DNAH9: variants seen among roughly 807,000 people sequenced by gnomAD.
The protein encoded by DNAH9 is dynein axonemal heavy chain 9, also known as DNAH9 variant protein.
DNAH9 carries 345 observed loss-of-function variants against 471.6 expected under a neutral mutation model. That is an observed-to-expected ratio of 0.73 (90% CI 0.67 to 0.80). DNAH9 has a LOEUF of 0.80. Ranked by LOEUF, DNAH9 falls within the 30% of genes least tolerant of loss-of-function variation. The pLI is 0.00. For synonymous variants in DNAH9, 2,093 were observed against 2,123.6 expected (o/e 0.99, Z 0.40); for missense variants, 5,407 against 5,609.2 (o/e 0.96, Z 1.15).
intron 38 of DNAH9, among the ~76,000 whole-genome samples, chr17:11,773,647 G>A (rs1968306431): frequency 6.6e-6 from 1 of 152,132 alleles, no homozygotes; most frequent in African/African-American, 2.4e-5. Flanking sequence ...AGTTGTCCCT[G>A]GCAAGGGAAA....
chr17:11,789,030 A>G (rs1033721850), intron 41 of DNAH9, among the ~76,000 whole-genome samples: 9 of 152,074 alleles, frequency 5.9e-5, no homozygotes, highest in African/African-American at 1.9e-4. Context: ...AATATGATAA[A>G]TTAATTGATT....
At chr17:11,822,701 A>G in intron 47 of DNAH9, 100 bp from the exon 48 acceptor site, 1 of 1,589,036 alleles carries the variant, frequency 6.3e-7, no homozygotes, top group Non-Finnish European at 8.6e-7. Flanking sequence ...TTGAAGCATA[A>G]GTTTCCACAT....
At chr17:11,847,560 C>T (rs1054930729) in intron 49 of DNAH9, among the ~76,000 whole-genome samples, 2 of 152,072 alleles carry the variant, frequency 1.3e-5, no homozygotes, top group Non-Finnish European at 2.9e-5. Context: ...TATTCTGTTC[C>T]ATTGGTCTGG....
chr17:11,867,374 C>T (rs529301473), intron 50 of DNAH9, among the ~76,000 whole-genome samples: 2 of 152,214 alleles, frequency 1.3e-5, no homozygotes, highest in African/African-American at 4.8e-5. Context: ...TTTTCTTATG[C>T]TTTTCAGGAA....
intron 49 of DNAH9, among the ~76,000 whole-genome samples, chr17:11,839,789 T>C (rs1242025684): frequency 6.6e-6 from 1 of 152,234 alleles, no homozygotes; most frequent in Non-Finnish European, 1.5e-5. Context: ...TGCATATACA[T>C]AGTAAAATGA....
intron 61 of DNAH9, among the ~76,000 whole-genome samples, chr17:11,921,276 AG>A (rs1974131030): frequency 6.6e-6 from 1 of 151,992 alleles, no homozygotes; most frequent in South Asian, 2.1e-4. Flanking sequence ...AAGGTGGAGA[AG>A]AAATAGCCTC....
chr17:11,868,445 T>C (rs1423532092), intron 50 of DNAH9, among the ~76,000 whole-genome samples: 1 of 152,194 alleles, frequency 6.6e-6, no homozygotes, highest in Non-Finnish European at 1.5e-5. Context: ...AGCTACGTAC[T>C]TCAATTTTAA....
At chr17:11,773,341 G>A (rs1968292700) in intron 38 of DNAH9, among the ~76,000 whole-genome samples, 2 of 152,114 alleles carry the variant, frequency 1.3e-5, no homozygotes, top group Non-Finnish European at 2.9e-5. Flanking sequence ...GGTAAAAGGG[G>A]AGAAACAGCC....
In DNAH9 at chr17:11,669,265, T is replaced by C; in HGVS notation, c.2928+5T>C. On this transcript the variant is annotated splice_donor_5th_base_variant and intron_variant, in intron 16 of 68. Coordinates refer to ENST00000262442, the MANE Select transcript of DNAH9 (RefSeq NM_001372.4). ...AATGGCTCTCCTCACTATCAGGTAC[T>C]GGAGCTGCAGCCATCCTGCCCTCCA... 6.2e-7 allele frequency: 1 copy of C among 1,610,930 alleles called. No homozygotes were observed. The highest frequency in any genetic ancestry group is 8.5e-7 in the Non-Finnish European group (1 of 1,177,998).
Position 11,888,186 on chromosome 17 carries a change from G to T in DNAH9, c.11112+1221G>T, listed in dbSNP as rs957755582. ...TTTTTAGTAGAGACGGGGTTTCACT[G>T]TGTTAGCCAGGATGGTCTCGATCTC... On this transcript the variant is annotated intron_variant, in intron 57 of 68. Transcript: ENST00000262442. Among the ~76,000 whole-genome samples, 3 of 151,950 alleles carry T rather than the reference G, an allele frequency of 2.0e-5. No individual in the cohort carries two copies. In the East Asian group the frequency reaches 5.8e-4, roughly 30 times the overall value.
At position 11,937,297 on chromosome 17, in the gene DNAH9, G is replaced by C. The variant is rs911040040; in HGVS notation, c.12490-55G>C. On this transcript the variant is annotated intron_variant, in intron 65 of 68. Transcript: ENST00000262442. The surrounding 1 kb of genome is among the most constrained non-coding windows in gnomAD (Gnocchi z 4.1). The stretch of plus-strand genomic sequence containing the variant: ...CCCTGCAGAGGACAAGCCGGTGTGG[G>C]AGATGGGAGGTACGTCCTGGTTTCT... The C allele has an allele frequency of 6.4e-7, 1 of 1,554,300 alleles. No homozygotes were observed. The highest frequency in any genetic ancestry group is 8.7e-7 in the Non-Finnish European group (1 of 1,146,338).
Position 11,761,266 on chromosome 17 carries a change from C to G in DNAH9, c.6996-2174C>G, listed in dbSNP as rs1310000775. On this transcript the variant is annotated intron_variant, in intron 35 of 68. Transcript: ENST00000262442. Reference sequence around the variant, plus strand: ...TCCATTCATAATGGAGGCTTCTGCCCCACCTGCCTCAGCTCAGGACTGCAA... The same window carrying G: ...TCCATTCATAATGGAGGCTTCTGCCGCACCTGCCTCAGCTCAGGACTGCAA... Among the ~76,000 whole-genome samples, 3 of 152,252 alleles carry G rather than the reference C, an allele frequency of 2.0e-5. No individual in the cohort carries two copies. The East Asian group carries it at 5.8e-4, about 29-fold the overall frequency.
At chr17:11,655,249 C>T (rs909644685) in intron 14 of DNAH9, among the ~76,000 whole-genome samples, 3 of 151,836 alleles carry the variant, frequency 2.0e-5, no homozygotes, top group African/African-American at 4.8e-5. Context: ...GTTTGGTTTT[C>T]CATTCCTGAG....
chr17:11,942,527 G>C lies in DNAH9; in HGVS notation c.12843+42G>C, dbSNP rs754187468. ...AAGGCATGGAGGGGACATTGCTAGAGGACACAGATGGACCCCTATGGGGAA... is the reference window on the plus strand; with the variant it reads ...AAGGCATGGAGGGGACATTGCTAGACGACACAGATGGACCCCTATGGGGAA... On this transcript the variant is annotated intron_variant, in intron 67 of 68. Coordinates refer to ENST00000262442, the MANE Select transcript of DNAH9 (RefSeq NM_001372.4). The C allele has an allele frequency of 1.2e-5, 19 of 1,572,324 alleles. No homozygotes were observed. In the East Asian group the frequency reaches 4.3e-4, roughly 35 times the overall value.
At chr17:11,644,023 T>TG (rs2073330197) in intron 10 of DNAH9, among the ~76,000 whole-genome samples, 1 of 152,110 alleles carries the variant, frequency 6.6e-6, no homozygotes, top group African/African-American at 2.4e-5. Flanking sequence ...AGTCAGTGAG[T>TG]GGGTGGTGAG....
chr17:11,760,989 C>T (rs1037481921), intron 35 of DNAH9, among the ~76,000 whole-genome samples: 12 of 152,202 alleles, frequency 7.9e-5, no homozygotes, highest in African/African-American at 2.7e-4. Context: ...ACTACGAAGC[C>T]GTGTCATGTC....
At chr17:11,959,109 A>C (rs962055935) in intron 67 of DNAH9, among the ~76,000 whole-genome samples, 11 of 147,092 alleles carry the variant, frequency 7.5e-5, no homozygotes, top group African/African-American at 2.0e-4. Context: ...CAAAAAAAAA[A>C]CAGAAATCAA....
intron 57 of DNAH9, among the ~76,000 whole-genome samples, chr17:11,888,137 C>T (rs537825393): frequency 2.2e-4 from 33 of 151,928 alleles, no homozygotes; most frequent in East Asian, 5.8e-4. Flanking sequence ...TGCCCACCAC[C>T]GCACCTGGCT....
intron 67 of DNAH9, among the ~76,000 whole-genome samples, chr17:11,950,887 C>T (rs1162730819): frequency 6.6e-6 from 1 of 152,096 alleles, no homozygotes; most frequent in Non-Finnish European, 1.5e-5. Context: ...GCCCAGTCCT[C>T]AAAGCACATC....
Sources: gnomAD v4.1 joint callset for allele counts (sites outside exome capture counted in the v4.1 genomes callset) on GRCh38, gnomAD v4.1.1 for gene constraint, Gnocchi (gnomAD v3.1) non-coding constraint, MANE v1.5 for transcripts, NCBI Gene and HGNC (gene_info 2026-07-23, HGNC 2026-07-21) for gene names.